Variants in GGA2 observed in about 807,000 individuals in gnomAD.
GGA2 encodes ADP-ribosylation factor-binding protein GGA2.
Under a neutral mutation model 79.5 loss-of-function variants are expected in GGA2, and 48 were observed. The observed-to-expected ratio is 0.60, with a 90% CI of 0.48 to 0.77. The LOEUF is 0.77. Ranked by LOEUF, GGA2 falls within the 30% of genes least tolerant of loss-of-function variation. The probability of loss-of-function intolerance (pLI) is 0.00; values close to 1 mark genes in which losing one functional copy is unlikely to be tolerated. For missense variants in GGA2, 770 were observed against 774.0 expected, an observed-to-expected ratio of 0.99 and a Z score of 0.06; for synonymous variants, 317 against 302.0, an observed-to-expected ratio of 1.05 and a Z score of -0.51.
At position 23,465,242 on chromosome 16, in the gene GGA2, C is replaced by T; in HGVS notation, c.*2348G>A. 1 of 668,432 alleles carries T rather than the reference C, an allele frequency of 1.5e-6. No individual in the cohort carries two copies. Among genetic ancestry groups the T allele is most frequent in the Non-Finnish European group, 2.7e-6 (1 of 366,460 alleles). The allele number at this position is 668,432 out of a possible 1,614,324, so 41.4% of individuals were successfully genotyped here. Reference sequence around the variant, plus strand: ...CTCAAGCGGTCATCCCACTCAGCCTCCCAAAATGCTGGGATTATAGGCGTG... The same window carrying T: ...CTCAAGCGGTCATCCCACTCAGCCTTCCAAAATGCTGGGATTATAGGCGTG... On this transcript the variant is annotated 3_prime_UTR_variant, in exon 17 of 17. Transcript: ENST00000309859.
In GGA2 at chr16:23,467,387, AACACACACACACACACACACAC is replaced by A. The variant is rs57255054; in HGVS notation, c.*181_*202del. On this transcript the variant is annotated 3_prime_UTR_variant, in exon 17 of 17. Transcript: ENST00000309859. ...GCCCTGTGCTACCACCCTCTCCCCG[AACACACACACACACACACACAC>A]ACACACACACACACACACACACACA... The A allele has an allele frequency of 0.011, 3,728 of 327,552 alleles. 15 individuals are homozygous for A. Among genetic ancestry groups the A allele is most frequent in the Non-Finnish European group, 0.015 (2,791 of 184,936 alleles). 20.3% of individuals were successfully genotyped at this position (327,552 alleles called of 1,614,324 possible). A position where few individuals can be genotyped will look rare whatever the true frequency, so the allele number is the denominator to read the frequency against.
In GGA2 at chr16:23,497,655, C is replaced by T. The variant is rs1221886447; in HGVS notation, c.92-1877G>A. Among the ~76,000 whole-genome samples the T allele has an allele frequency of 3.3e-5, 5 of 152,286 alleles. No individual in the cohort carries two copies. In the East Asian group the frequency reaches 9.6e-4, roughly 29 times the overall value. ...TTAAAATCCTATCTACCCTTGAGTC[C>T]CAAGTCACATTCCACCCTAAAGACT... On this transcript the variant is annotated intron_variant, in intron 1 of 16. Transcript: ENST00000309859.
At chr16:23,489,861 G>C (rs950232612) in intron 5 of GGA2, among the ~76,000 whole-genome samples, 5 of 152,030 alleles carry the variant, frequency 3.3e-5, no homozygotes, top group Non-Finnish European at 5.9e-5. Flanking sequence ...ACTGCAGCTA[G>C]AGAAAAAACA....
At position 23,478,421 on chromosome 16, in the gene GGA2, A is replaced by C; in HGVS notation, c.1239T>G (p.Ser413=). The change falls in exon 13 of 17, where the codon TCT becomes TCG. Residue 413 remains serine (S), a synonymous_variant. Coordinates refer to ENST00000309859, the MANE Select transcript of GGA2 (RefSeq NM_015044.4). ...TLPGGGVQNP[S]ADRNLLDLLS... is the part of the protein sequence containing the mutation. ...GGAGGTCCAGCAAATTCCTGTCTGC[A>C]GAAGGGTTCTGAACACCACCGCCTG... 6.2e-7 allele frequency: 1 copy of C among 1,611,792 alleles called. No homozygotes were observed. The highest frequency in any genetic ancestry group is 8.5e-7 in the Non-Finnish European group (1 of 1,178,424).
Position 23,474,973 on chromosome 16 carries a change from C to A in GGA2, c.1381G>T (p.Ala461Ser). ...GTATTCTGTGAAGATGGGGAAGGAG[C>A]CAACGGGCCAGCCTCCCAGGACCAA... The part of the protein sequence containing the change: ...PGWSWEAGPL[A>S]PSPSSQNTPL... The change falls in exon 14 of 17, where the codon GCT becomes TCT. Residue 461 changes from alanine (A) to serine (S), a missense_variant. Physicochemically the swap from Ala to Ser is moderately conservative, Grantham distance 99. Transcript: ENST00000309859. The A allele has an allele frequency of 6.2e-7, 1 of 1,611,958 alleles. No individual in the cohort carries two copies. Among genetic ancestry groups the A allele is most frequent in the South Asian group, 1.1e-5 (1 of 91,032 alleles).
intron 1 of GGA2, among the ~76,000 whole-genome samples, chr16:23,497,867 C>A (rs1419736843): frequency 6.6e-6 from 1 of 152,212 alleles, no homozygotes; most frequent in African/African-American, 2.4e-5. Context: ...GGTGCTGCAG[C>A]TCATGCCTAT....
chr16:23,491,452 G>C (rs776697581), intron 5 of GGA2, among the ~76,000 whole-genome samples: 1 of 150,308 alleles, frequency 6.7e-6, no homozygotes, highest in Non-Finnish European at 1.5e-5. Flanking sequence ...AGGCAACAGG[G>C]AAAAAAGCAA....
intron 9 of GGA2, among the ~76,000 whole-genome samples, chr16:23,481,408 C>A (rs559195614): frequency 6.6e-6 from 1 of 152,272 alleles, no homozygotes; most frequent in East Asian, 1.9e-4. Context: ...AGAACATGAG[C>A]AGCATCATGG....
At chr16:23,510,207 CCGGCCGCCGGCCTCCCCTG>C (rs1158305185) in intron 1 of GGA2, 95 bp downstream of exon 1, 27 of 557,174 alleles carry the variant, frequency 4.8e-5, no homozygotes, top group Non-Finnish European at 6.8e-5. Flanking sequence ...GGCCCCCTAC[CCGGCCGCCGGCCTCCCCTG>C]CGGCCGCCCG....
intron 11 of GGA2, 164 bp from the exon 12 acceptor site, chr16:23,479,075 G>A (rs759940696): frequency 6.3e-5 from 41 of 649,150 alleles, no homozygotes; most frequent in Non-Finnish European, 8.7e-5. Context: ...TGACTAATAT[G>A]CAAGGGGGAC....
At chr16:23,520,657 TAAAAAA>T (rs77857333) in intron 1 of GGA2, among the ~76,000 whole-genome samples, 2 of 131,950 alleles carry the variant, frequency 1.5e-5, no homozygotes, top group African/African-American at 5.7e-5. Context: ...AACATCCTCT[TAAAAAA>T]AAAAAAAAAA....
intron 8 of GGA2, 50 bp from the exon 9 acceptor site, chr16:23,483,054 G>GC (rs752029195): frequency 4.1e-6 from 5 of 1,227,262 alleles, no homozygotes; most frequent in Admixed American, 1.7e-5. Context: ...ACCCCATAAC[G>GC]CCCCCCTCCA....
Position 23,475,004 on chromosome 16 carries a change from A to G in GGA2, c.1350T>C (p.Ser450=). The stretch of plus-strand genomic sequence containing the variant: ...GGCCAGCCTCCCAGGACCAACCTGG[A>G]GAGGACTTAGTACCTGGTGGCACTT... ...PKEVPPGTKS[S]PGWSWEAGPL... is the part of the protein sequence containing the mutation. The change falls in exon 14 of 17, where the codon TCT becomes TCC. Residue 450 remains serine (S), a synonymous_variant. Coordinates refer to ENST00000309859, the MANE Select transcript of GGA2 (RefSeq NM_015044.4). The G allele has an allele frequency of 6.2e-7, 1 of 1,607,596 alleles. No individual in the cohort carries two copies. Among genetic ancestry groups the G allele is most frequent in the East Asian group, 2.2e-5 (1 of 44,838 alleles).
At chr16:23,483,115 A>C (rs552634477) in intron 8 of GGA2, 111 bp from the exon 9 acceptor site, 134 of 708,112 alleles carry the variant, frequency 1.9e-4, no homozygotes, top group Admixed American at 7.3e-4. Context: ...GGGCTTCAGA[A>C]GGCCTCCCAA....
intron 13 of GGA2, among the ~76,000 whole-genome samples, 187 bp from the exon 14 acceptor site, chr16:23,475,248 C>T (rs1964563078): frequency 6.8e-6 from 1 of 146,094 alleles, no homozygotes; most frequent in East Asian, 2.0e-4. Flanking sequence ...GGAGTGCAAT[C>T]GAACAGTCTC....
chr16:23,503,801 G>T (rs1016015181), intron 1 of GGA2, among the ~76,000 whole-genome samples: 1 of 152,192 alleles, frequency 6.6e-6, no homozygotes, highest in African/African-American at 2.4e-5. Flanking sequence ...CTAATATGGG[G>T]CCGGGTGTAG....
chr16:23,469,927 A>C (rs1964487900), intron 15 of GGA2, 69 bp downstream of exon 15: 1 of 1,153,744 alleles, frequency 8.7e-7, no homozygotes, highest in Non-Finnish European at 1.2e-6. Context: ...TCGACAGGTA[A>C]GTCCCAGAAA....
chr16:23,484,349 C>A (rs902248349), intron 8 of GGA2, among the ~76,000 whole-genome samples: 2 of 152,014 alleles, frequency 1.3e-5, no homozygotes, highest in African/African-American at 2.4e-5. Flanking sequence ...ACCCGGGAGG[C>A]AGAAGTCGTG....
chr16:23,512,706 T>C (rs1965080299), upstream of GGA2, among the ~76,000 whole-genome samples: 3 of 130,262 alleles, frequency 2.3e-5, no homozygotes, highest in Admixed American at 7.7e-5. Context: ...AAATCTTTTT[T>C]TTTTTTTTTT....
Sources: allele counts gnomAD v4.1 joint callset (sites outside exome capture counted in the v4.1 genomes callset), GRCh38; gene constraint gnomAD v4.1.1; transcripts MANE v1.5; gene names NCBI Gene and HGNC (gene_info 2026-07-23, HGNC 2026-07-21).